OPHN1: variants seen among roughly 807,000 people sequenced by gnomAD.
The protein encoded by OPHN1 is oligophrenin-1.
In OPHN1, 11 loss-of-function variants were observed where a neutral mutation model predicts 60.7. The observed-to-expected ratio is 0.18, with a 90% CI of 0.11 to 0.30. The LOEUF (loss-of-function observed/expected upper bound fraction) is 0.30. Among genes scored for constraint, OPHN1 ranks in the 10% least tolerant of loss-of-function variants. The pLI, the probability that OPHN1 is intolerant of heterozygous loss-of-function variation, is 1.00. For synonymous variants in OPHN1, 226 were observed against 222.6 expected, an observed-to-expected ratio of 1.02 and a Z score of -0.14; for missense variants, 449 against 611.0, an observed-to-expected ratio of 0.73 and a Z score of 2.80.
chrX:68,055,405 AC>A (rs1420886513), intron 21 of OPHN1, among the ~76,000 whole-genome samples: 2 of 112,353 alleles, frequency 1.8e-5, no homozygotes, highest in African/African-American at 3.2e-5. Flanking sequence ...ACAATGAAAT[AC>A]CATCTCACAC....
intron 24 of OPHN1, among the ~76,000 whole-genome samples, chrX:68,048,134 G>A (rs1182782933): frequency 2.7e-5 from 3 of 112,005 alleles, no homozygotes; most frequent in Middle Eastern, 4.2e-3. Context: ...CACAGCCTAG[G>A]ATTCTTAATA....
At chrX:68,407,363 C>T (rs941207239) in intron 2 of OPHN1, among the ~76,000 whole-genome samples, 1 of 111,678 alleles carries the variant, frequency 9.0e-6, no homozygotes, top group Non-Finnish European at 1.9e-5. Context: ...GATAATGATG[C>T]CTATATGTTC....
At chrX:68,178,615 G>C (rs906220737) in intron 15 of OPHN1, among the ~76,000 whole-genome samples, 9 of 111,051 alleles carry the variant, frequency 8.1e-5, no homozygotes. Flanking sequence ...TGTTGATCAG[G>C]CTGGTCTCAA....
At chrX:68,232,103 A>AT (rs2077731487) in intron 6 of OPHN1, among the ~76,000 whole-genome samples, 1 of 111,628 alleles carries the variant, frequency 9.0e-6, no homozygotes, top group African/African-American at 3.3e-5. Flanking sequence ...TGCCCTGCTC[A>AT]TTTTTTTATT....
At chrX:68,146,241 T>C (rs1055250376) in intron 15 of OPHN1, among the ~76,000 whole-genome samples, 1 of 112,069 alleles carries the variant, frequency 8.9e-6, no homozygotes, top group Non-Finnish European at 1.9e-5. Context: ...TTTTAAGACA[T>C]GGCTGCCCTC....
chrX:68,152,272 G>A (rs771864340), intron 15 of OPHN1, among the ~76,000 whole-genome samples: 3 of 110,008 alleles, frequency 2.7e-5, no homozygotes, highest in East Asian at 2.9e-4. Flanking sequence ...ATACAAACAC[G>A]TCCTTCTCTT....
At position 68,112,061 on chromosome X, in the gene OPHN1, G is replaced by GCACACACACACACACACACA. The variant is rs56107322; in HGVS notation, c.1421-122_1421-103dup. 7 of 389,586 alleles carry GCACACACACACACACACACA rather than the reference G, an allele frequency of 1.8e-5. No homozygotes were observed. In the African/African-American group the frequency reaches 2.2e-4, roughly 12 times the overall value. The allele number at this position is 389,586 out of a possible 1,213,427, so 32.1% of individuals were successfully genotyped here. ...CACAAACACACACACATGCACACAT[G>GCACACACACACACACACACA]CACACACACACACACACACACACAC... On this transcript the variant is annotated intron_variant, in intron 17 of 24. Transcript: ENST00000355520.
intron 19 of OPHN1, among the ~76,000 whole-genome samples, chrX:68,091,017 C>A (rs1303752599): frequency 1.8e-5 from 2 of 111,219 alleles, no homozygotes; most frequent in Non-Finnish European, 3.8e-5. Flanking sequence ...TCAAGAGTAG[C>A]TAGAATAGCT....
At chrX:68,219,660 C>A (rs1244012351) in intron 6 of OPHN1, among the ~76,000 whole-genome samples, 2 of 111,433 alleles carry the variant, frequency 1.8e-5, no homozygotes, top group African/African-American at 6.5e-5. Context: ...GGAAACTGAA[C>A]AACTTGCTCC....
chrX:68,318,235 G>A (rs926709319), intron 2 of OPHN1, among the ~76,000 whole-genome samples: 8 of 111,782 alleles, frequency 7.2e-5, no homozygotes, highest in Non-Finnish European at 3.8e-5. Context: ...ATTGTATACC[G>A]AAAACAAAAC....
intron 5 of OPHN1, among the ~76,000 whole-genome samples, chrX:68,261,018 G>A (rs930019242): frequency 8.9e-6 from 1 of 111,743 alleles, no homozygotes; most frequent in Non-Finnish European, 1.9e-5. Context: ...ACATGGATGA[G>A]AAACATCATT....
chrX:68,064,493 A>G (rs2076905955), intron 20 of OPHN1, among the ~76,000 whole-genome samples: 2 of 112,342 alleles, frequency 1.8e-5, no homozygotes, highest in Non-Finnish European at 3.8e-5. Flanking sequence ...GTCCCCAGTC[A>G]ATGGCATATT....
At chrX:68,095,772 C>G (rs774578936) in intron 19 of OPHN1, among the ~76,000 whole-genome samples, 1 of 111,207 alleles carries the variant, frequency 9.0e-6, no homozygotes, top group Admixed American at 9.6e-5. Context: ...ATGGCACTAG[C>G]TGCTATGAAG....
At chrX:68,399,667 CAAAATAAATAAATA>C (rs2078702995) in intron 2 of OPHN1, among the ~76,000 whole-genome samples, 1 of 75,555 alleles carries the variant, frequency 1.3e-5, no homozygotes, top group Non-Finnish European at 2.6e-5. Flanking sequence ...GACTCTGTCT[CAAAATAAATAAATA>C]AAAATAAATA....
chrX:68,259,239 C>G (rs1252027754), intron 5 of OPHN1, among the ~76,000 whole-genome samples: 1 of 111,219 alleles, frequency 9.0e-6, no homozygotes, highest in Non-Finnish European at 1.9e-5. Flanking sequence ...TCACTTGAGA[C>G]CAGGAGTTCG....
At chrX:68,313,923 C>A (rs1482273690) in intron 2 of OPHN1, among the ~76,000 whole-genome samples, 1 of 111,195 alleles carries the variant, frequency 9.0e-6, no homozygotes, top group Non-Finnish European at 1.9e-5. Context: ...TGATTATTAA[C>A]CATTGTATGC....
chrX:68,402,880 A>T (rs930442063), intron 2 of OPHN1, among the ~76,000 whole-genome samples: 18 of 112,083 alleles, frequency 1.6e-4, no homozygotes, highest in African/African-American at 5.5e-4. Context: ...TCTCCGAGAA[A>T]AACAAACATA....
chrX:68,223,421 C>G (rs971325705), intron 6 of OPHN1, among the ~76,000 whole-genome samples: 11 of 112,297 alleles, frequency 9.8e-5, no homozygotes, highest in Non-Finnish European at 1.9e-4. Context: ...GAAACTGGAA[C>G]TGGAGGCCAT....
intron 2 of OPHN1, among the ~76,000 whole-genome samples, chrX:68,352,837 G>A (rs949526245): frequency 4.5e-5 from 5 of 112,068 alleles, no homozygotes; most frequent in Non-Finnish European, 9.4e-5. Flanking sequence ...TCCACAGAGG[G>A]AAAGAAAAGT....
Sources: allele counts gnomAD v4.1 joint callset (sites outside exome capture counted in the v4.1 genomes callset), GRCh38; gene constraint gnomAD v4.1.1; transcripts MANE v1.5; gene names NCBI Gene and HGNC (gene_info 2026-07-23, HGNC 2026-07-21).